ASAP1: variants seen among roughly 807,000 people sequenced by gnomAD.
ASAP1 encodes the protein arf-GAP with SH3 domain, ANK repeat and PH domain-containing protein 1.
In ASAP1, 43 loss-of-function variants were observed where a neutral mutation model predicts 145.2. The ratio of observed to expected loss-of-function variants is 0.30; its 90% CI spans 0.23 to 0.38. ASAP1 has a LOEUF of 0.38. Ranked by LOEUF, ASAP1 falls within the 10% of genes least tolerant of loss-of-function variation. The pLI is 1.00. For missense variants in ASAP1, 1,018 were observed against 1,355.3 expected (o/e 0.75, Z 3.91); for synonymous variants, 546 against 515.5 (o/e 1.06, Z -0.80).
chr8:130,118,537 G>C lies in ASAP1; in HGVS notation c.1746C>G (p.Val582=), dbSNP rs1290045106. Residue 582 remains valine, a synonymous_variant, in exon 19 of 30, where the codon GTC becomes GTG. Coordinates refer to ENST00000518721, the MANE Select transcript of ASAP1 (RefSeq NM_018482.4). ...KSRDLLALIQ[V]YAEGVELMEP... The stretch of plus-strand genomic sequence containing the variant: ...CCATTAGCTCTACCCCTTCTGCATA[G>C]ACTTGAATTAGTGCAAGTAAATCCC... The C allele has an allele frequency of 1.9e-6, 3 of 1,614,024 alleles. No individual in the cohort carries two copies.
At chr8:130,384,472 T>C (rs1827919173) in intron 2 of ASAP1, among the ~76,000 whole-genome samples, 1 of 152,030 alleles carries the variant, frequency 6.6e-6, no homozygotes, top group Non-Finnish European at 1.5e-5. Flanking sequence ...AGACGTGGGA[T>C]TCAGGGAGGA....
At chr8:130,425,442 G>T (rs139227789) in intron 1 of ASAP1, among the ~76,000 whole-genome samples, 1 of 151,646 alleles carries the variant, frequency 6.6e-6, no homozygotes, top group Non-Finnish European at 1.5e-5. Context: ...CTTTGAACCC[G>T]TGAGGCAGAG....
chr8:130,283,019 G>A (rs1821346780), intron 3 of ASAP1, among the ~76,000 whole-genome samples: 1 of 152,190 alleles, frequency 6.6e-6, no homozygotes, highest in South Asian at 2.1e-4. Context: ...CTTCAAACAA[G>A]CCAGAAATCC....
intron 2 of ASAP1, among the ~76,000 whole-genome samples, chr8:130,394,001 T>C (rs1828403262): frequency 6.6e-6 from 1 of 152,228 alleles, no homozygotes; most frequent in Non-Finnish European, 1.5e-5. Flanking sequence ...TCTCATCATT[T>C]TCATAAGCTG....
chr8:130,105,289 A>G (rs2097535102), intron 24 of ASAP1, among the ~76,000 whole-genome samples: 1 of 152,228 alleles, frequency 6.6e-6, no homozygotes, highest in Admixed American at 6.5e-5. Flanking sequence ...TAGGTATAAC[A>G]AGTAATCTAG....
chr8:130,340,792 T>C, intron 3 of ASAP1: 1 of 403,324 alleles, frequency 2.5e-6, no homozygotes, highest in Admixed American at 3.2e-5. Context: ...GGATAAAATT[T>C]ACATAAAGAA....
rs1267454882 is a variant in ASAP1, at chr8:130,118,495, A to T, written c.1788T>A (p.Pro596=). The T allele has an allele frequency of 1.2e-6, 2 of 1,604,618 alleles. No individual in the cohort carries two copies. Among genetic ancestry groups the T allele is most frequent in the East Asian group, 4.5e-5 (2 of 44,706 alleles). ...GATTTTAGTGAGGCCTTACCTGCCC[A>T]GGTTCCAGCAGTGGTTCCATTAGCT... ...GVELMEPLLE[P]GQELGETALH... Residue 596 remains proline, a synonymous_variant, in exon 19 of 30, where the codon CCT becomes CCA. Transcript: ENST00000518721.
At chr8:130,221,899 C>G (rs1376838944) in intron 4 of ASAP1, among the ~76,000 whole-genome samples, 1 of 152,160 alleles carries the variant, frequency 6.6e-6, no homozygotes, top group Non-Finnish European at 1.5e-5. Context: ...ATGGCATTTA[C>G]CTCACAGAGA....
chr8:130,407,474 T>A, intron 1 of ASAP1, among the ~76,000 whole-genome samples: 1 of 152,210 alleles, frequency 6.6e-6, no homozygotes, highest in East Asian at 1.9e-4. Flanking sequence ...AGCGGCAGCA[T>A]CTGTACATAG....
intron 1 of ASAP1, among the ~76,000 whole-genome samples, chr8:130,410,977 C>T (rs1829241638): frequency 6.6e-6 from 1 of 152,226 alleles, no homozygotes; most frequent in African/African-American, 2.4e-5. Flanking sequence ...TCTCCTGCCT[C>T]AGCCTCCCAA....
rs762562909 is a variant in ASAP1 at position 130,179,284 on chromosome 8, C to T, written c.726G>A (p.Lys242=). ...CTCACTTGCACTGTGCATGGTAATA[C>T]TTTATAAGATTCTGCAGCAGATCCA... The part of the protein sequence containing the change: ...KGVDLLQNLI[K]YYHAQCNFFQ... Residue 242 remains lysine, a synonymous_variant, in exon 9 of 30, where the codon AAG becomes AAA. Transcript: ENST00000518721. The T allele has an allele frequency of 1.6e-5, 25 of 1,606,328 alleles. No individual in the cohort carries two copies. Among genetic ancestry groups the T allele is most frequent in the Non-Finnish European group, 2.1e-5 (25 of 1,173,538 alleles).
chr8:130,255,550 A>T (rs1038676274), intron 3 of ASAP1, among the ~76,000 whole-genome samples: 30 of 152,194 alleles, frequency 2.0e-4, no homozygotes, highest in African/African-American at 7.2e-4. Flanking sequence ...ACTCCTGTCA[A>T]AAATTAGCTT....
chr8:130,221,565 C>T (rs1817296555), intron 4 of ASAP1, among the ~76,000 whole-genome samples: 1 of 152,156 alleles, frequency 6.6e-6, no homozygotes, highest in African/African-American at 2.4e-5. Flanking sequence ...TGTCACTTCT[C>T]CACAATTTTC....
At chr8:130,207,305 A>G (rs2136363155) in intron 5 of ASAP1, among the ~76,000 whole-genome samples, 1 of 152,354 alleles carries the variant, frequency 6.6e-6, no homozygotes, top group East Asian at 1.9e-4. Flanking sequence ...AAGTTTAGAG[A>G]GATTGCAAGG....
At chr8:130,244,767 T>C (rs1229377673) in intron 3 of ASAP1, among the ~76,000 whole-genome samples, 2 of 152,086 alleles carry the variant, frequency 1.3e-5, no homozygotes, top group African/African-American at 2.4e-5. Flanking sequence ...ACTAAGAGTG[T>C]CCCCTGTGGG....
At position 130,370,506 on chromosome 8, in the gene ASAP1, G is replaced by T. The variant is rs1827164928; in HGVS notation, c.60-12363C>A. Among the ~76,000 whole-genome samples the T allele has an allele frequency of 3.3e-5, 5 of 152,134 alleles. No homozygotes were observed. The South Asian group carries it at 8.3e-4, about 25-fold the overall frequency. On this transcript the variant is annotated intron_variant, in intron 2 of 29. Coordinates refer to ENST00000518721, the MANE Select transcript of ASAP1 (RefSeq NM_018482.4). Reference sequence around the variant, plus strand: ...TTGTTTGTAAGCCATCCAGTCTAGGGTAATTTGTTATAGCAGCCCAAACTG... The same window carrying T: ...TTGTTTGTAAGCCATCCAGTCTAGGTTAATTTGTTATAGCAGCCCAAACTG...
intron 1 of ASAP1, among the ~76,000 whole-genome samples, chr8:130,438,885 C>A (rs1198513860): frequency 6.6e-6 from 1 of 152,166 alleles, no homozygotes; most frequent in East Asian, 1.9e-4. Context: ...GGAACCTCTC[C>A]CCAGAGCTCC....
chr8:130,216,000 G>GAA (rs1554850118), intron 4 of ASAP1, among the ~76,000 whole-genome samples: 5 of 118,820 alleles, frequency 4.2e-5, no homozygotes, highest in Non-Finnish European at 7.1e-5. Context: ...GAAAGGAAAG[G>GAA]AAAGGAAAGG....
chr8:130,243,467 A>G (rs933374877), intron 3 of ASAP1, among the ~76,000 whole-genome samples: 5 of 152,194 alleles, frequency 3.3e-5, no homozygotes, highest in East Asian at 1.9e-4. Flanking sequence ...TTGGAGGAAG[A>G]AAGGAAAGAT....
Sources: allele counts gnomAD v4.1 joint callset (sites outside exome capture counted in the v4.1 genomes callset), GRCh38; gene constraint gnomAD v4.1.1; transcripts MANE v1.5; gene names NCBI Gene and HGNC (gene_info 2026-07-23, HGNC 2026-07-21).